SPART: variants seen among roughly 807,000 people sequenced by gnomAD.
SPART encodes spastic paraplegia 20 (Troyer syndrome).
A neutral mutation model predicts 58.7 loss-of-function variants in SPART; 35 were observed. The observed-to-expected ratio is 0.60, with a 90% CI of 0.46 to 0.79. The LOEUF (loss-of-function observed/expected upper bound fraction) is 0.79. Among genes scored for constraint, SPART ranks in the 30% least tolerant of loss-of-function variants. The pLI is 0.00. For synonymous variants in SPART, 284 were observed against 280.7 expected (o/e 1.01, Z -0.12); for missense variants, 730 against 786.1 (o/e 0.93, Z 0.85).
chr13:36,323,580 C>A (rs1265286743), intron 5 of SPART, among the ~76,000 whole-genome samples: 1 of 152,132 alleles, frequency 6.6e-6, no homozygotes, highest in Non-Finnish European at 1.5e-5. Context: ...CAATTTATAT[C>A]CCTGGTTACT....
intron 1 of SPART, among the ~76,000 whole-genome samples, chr13:36,353,945 A>G (rs562496569): frequency 2.6e-5 from 4 of 152,304 alleles, no homozygotes; most frequent in African/African-American, 9.6e-5. Context: ...ACTCCTGGCA[A>G]CACCTGGAAA....
chr13:36,368,326 G>C, intron 1 of SPART: 1 of 296,864 alleles, frequency 3.4e-6, no homozygotes, highest in African/African-American at 2.3e-5. Flanking sequence ...TTTTGAGGAA[G>C]AAGGACCATT....
At chr13:36,352,665 G>T (rs1405632363) in intron 1 of SPART, among the ~76,000 whole-genome samples, 1 of 152,046 alleles carries the variant, frequency 6.6e-6, no homozygotes, top group Non-Finnish European at 1.5e-5. Context: ...CTGAGAAGAG[G>T]CCAGGTGTGG....
intron 2 of SPART, among the ~76,000 whole-genome samples, chr13:36,333,407 T>A (rs1333037986): frequency 6.7e-6 from 1 of 149,474 alleles, no homozygotes; most frequent in African/African-American, 2.5e-5. Context: ...TAACTTCTAG[T>A]ATTTAGTTGG....
intron 2 of SPART, among the ~76,000 whole-genome samples, chr13:36,334,357 T>C (rs2137540689): frequency 6.6e-6 from 1 of 152,288 alleles, no homozygotes; most frequent in Non-Finnish European, 1.5e-5. Context: ...ACTGTTGGAA[T>C]TACATCTTAA....
chr13:36,363,515 C>T (rs1885946932), intron 1 of SPART, among the ~76,000 whole-genome samples: 1 of 151,974 alleles, frequency 6.6e-6, no homozygotes, highest in African/African-American at 2.4e-5. Context: ...TCCTTTTTCC[C>T]CTATGAAGAT....
chr13:36,322,415 C>A (rs1417435646), intron 5 of SPART, among the ~76,000 whole-genome samples: 1 of 150,796 alleles, frequency 6.6e-6, no homozygotes, highest in Non-Finnish European at 1.5e-5. Context: ...TCACTGCACT[C>A]CGACTTGGGT....
At chr13:36,346,427 T>A (rs1235517143), upstream of SPART, 2 of 152,264 alleles carry the variant, frequency 1.3e-5, no homozygotes, top group African/African-American at 4.8e-5. Flanking sequence ...ACGCTTCGCG[T>A]CACGCGGCCG....
At chr13:36,354,920 C>T (rs1449968080) in intron 1 of SPART, among the ~76,000 whole-genome samples, 2 of 152,116 alleles carry the variant, frequency 1.3e-5, no homozygotes, top group African/African-American at 4.8e-5. Context: ...GAAGAGGAAA[C>T]TAGACCTAGA....
chr13:36,309,968 G>A (rs1314409600), intron 8 of SPART, among the ~76,000 whole-genome samples: 11 of 152,234 alleles, frequency 7.2e-5, no homozygotes, highest in African/African-American at 1.7e-4. Flanking sequence ...TGCCCCAGAC[G>A]GAGCAGATCG....
At chr13:36,322,736 C>T (rs1168711211) in intron 5 of SPART, among the ~76,000 whole-genome samples, 3 of 152,222 alleles carry the variant, frequency 2.0e-5, no homozygotes, top group South Asian at 2.1e-4. Context: ...TTATGTTTGA[C>T]GTAGTCCTCT....
intron 1 of SPART, among the ~76,000 whole-genome samples, chr13:36,369,024 A>T (rs1886174482): frequency 6.6e-6 from 1 of 152,222 alleles, no homozygotes; most frequent in Non-Finnish European, 1.5e-5. Flanking sequence ...AAATAAATTT[A>T]AAAATTGCAG....
At chr13:36,326,234 G>T (rs1882918505) in intron 5 of SPART, 2 of 336,710 alleles carry the variant, frequency 5.9e-6, no homozygotes, top group Non-Finnish European at 1.1e-5. Flanking sequence ...GACCACAGCT[G>T]AGGGACAGGG....
At chr13:36,337,836 T>A (rs552620473) in intron 1 of SPART, among the ~76,000 whole-genome samples, 1 of 152,226 alleles carries the variant, frequency 6.6e-6, no homozygotes, top group Non-Finnish European at 1.5e-5. Flanking sequence ...ACTGAAAAGC[T>A]GTGAAGTGCT....
rs769255137 is a variant in SPART, at chr13:36,312,490, T to TA, written c.1484-14dup. On this transcript the variant is annotated splice_polypyrimidine_tract_variant and intron_variant, in intron 6 of 8. Transcript: ENST00000438666. ...CAAACTCCATCAACTAATATGACCATAAAAAAAGAAAACTTAGGAAAAATA... is the reference window on the plus strand; with the variant it reads ...CAAACTCCATCAACTAATATGACCATAAAAAAAAGAAAACTTAGGAAAAATA... 1.9e-6 allele frequency: 3 copies of TA among 1,613,458 alleles called. No homozygotes were observed. The Admixed American group carries it at 5.0e-5, about 27-fold the overall frequency.
intron 8 of SPART, among the ~76,000 whole-genome samples, chr13:36,310,788 G>A (rs955390125): frequency 2.0e-5 from 3 of 152,044 alleles, no homozygotes; most frequent in African/African-American, 7.2e-5. Context: ...AAAGCCAAAG[G>A]AAGAACACCC....
chr13:36,326,760 C>CATA, intron 4 of SPART, 62 bp from the exon 5 acceptor site: 1 of 1,559,826 alleles, frequency 6.4e-7, no homozygotes, highest in Non-Finnish European at 8.8e-7. Context: ...AAACTGTAAG[C>CATA]ATTATATAAC....
chr13:36,341,187 T>C (rs375644075), intron 1 of SPART, among the ~76,000 whole-genome samples: 1 of 152,188 alleles, frequency 6.6e-6, no homozygotes, highest in Admixed American at 6.5e-5. Flanking sequence ...GTAAGATTTT[T>C]CTTAAATCTA....
At chr13:36,308,482 A>G (rs906522209) in intron 8 of SPART, 1 of 152,182 alleles carries the variant, frequency 6.6e-6, no homozygotes, top group Non-Finnish European at 1.5e-5. Context: ...CAATAATACA[A>G]TAGAAATAAA....
Sources: allele counts gnomAD v4.1 joint callset (sites outside exome capture counted in the v4.1 genomes callset), GRCh38; gene constraint gnomAD v4.1.1; transcripts MANE v1.5; gene names NCBI Gene and HGNC (gene_info 2026-07-23, HGNC 2026-07-21).